The following CFAP221 variants were observed in gnomAD, a reference collection of about 807,000 sequenced individuals.
CFAP221 encodes cilia and flagella associated protein 221.
A neutral mutation model predicts 113.1 loss-of-function variants in CFAP221; 97 were observed. That is an observed-to-expected ratio of 0.86 (90% CI 0.73 to 1.02). The LOEUF (loss-of-function observed/expected upper bound fraction) is 1.02, where lower values mean the gene tolerates loss of function less well. CFAP221 is among the 50% of genes least tolerant of loss of function. The probability of loss-of-function intolerance (pLI) is 0.00; values close to 1 mark genes in which losing one functional copy is unlikely to be tolerated. For missense variants in CFAP221, 1,025 were observed against 1,013.4 expected (o/e 1.01, Z -0.16); for synonymous variants, 331 against 354.4 (o/e 0.93, Z 0.74).
intron 6 of CFAP221, among the ~76,000 whole-genome samples, chr2:119,566,710 C>G (rs995592877): frequency 4.6e-5 from 7 of 152,230 alleles, no homozygotes; most frequent in African/African-American, 1.7e-4. Context: ...TGAGCCCTAC[C>G]TCACTGGTCT....
chr2:119,587,124 C>T lies in CFAP221; in HGVS notation c.533C>T (p.Thr178Ile), dbSNP rs988262604. Residue 178 changes from threonine to isoleucine, a missense_variant, in exon 7 of 24, where the codon ACT becomes ATT. By Grantham distance (89) the Thr-to-Ile change is moderately conservative. Transcript: ENST00000413369. ...CTTTTTTGTTTGTTTTGCAGCAAAA[C>T]TTATGTTATTCCTTTGCAGTGCAGC... Reference protein sequence around the residue: ...LSNVLLGESKTYVIPLQCSCP... With the variant: ...LSNVLLGESKIYVIPLQCSCP... 1.5e-5 allele frequency: 22 copies of T among 1,501,488 alleles called. No homozygotes were observed. The East Asian group carries it at 5.0e-4, about 34-fold the overall frequency. 93.0% of individuals were successfully genotyped at this position (1,501,488 alleles called of 1,614,324 possible).
chr2:119,575,217 T>C (rs1420128687), intron 6 of CFAP221, among the ~76,000 whole-genome samples: 1 of 152,154 alleles, frequency 6.6e-6, no homozygotes, highest in Non-Finnish European at 1.5e-5. Flanking sequence ...AAAAAAGAAA[T>C]TAGTCTGCAG....
At chr2:119,560,068 TGGTG>T in intron 5 of CFAP221, 42 bp downstream of exon 5, 1 of 1,200,564 alleles carries the variant, frequency 8.3e-7, no homozygotes, top group Non-Finnish European at 1.1e-6. Context: ...TTTTTTTTGA[TGGTG>T]GGTTAAAACT....
intron 20 of CFAP221, among the ~76,000 whole-genome samples, chr2:119,638,859 A>G (rs2104786339): frequency 6.6e-6 from 1 of 152,086 alleles, no homozygotes; most frequent in Middle Eastern, 3.4e-3. Context: ...TGACCTGAAT[A>G]TCCCCTGACA....
intron 6 of CFAP221, among the ~76,000 whole-genome samples, chr2:119,568,985 C>T (rs750103512): frequency 7.2e-5 from 11 of 152,064 alleles, no homozygotes; most frequent in East Asian, 1.9e-4. Flanking sequence ...AATTCTGAGT[C>T]GGTGGTTTTT....
intron 19 of CFAP221, among the ~76,000 whole-genome samples, chr2:119,633,783 A>G (rs1686941646): frequency 6.6e-6 from 1 of 152,194 alleles, no homozygotes; most frequent in South Asian, 2.1e-4. Context: ...ATTACCTAAC[A>G]TCTGTTAAGA....
chr2:119,573,894 T>C (rs1284265504), intron 6 of CFAP221, among the ~76,000 whole-genome samples: 3 of 152,336 alleles, frequency 2.0e-5, no homozygotes, highest in African/African-American at 4.8e-5. Context: ...GGATCTGTAA[T>C]GCAATAATAA....
chr2:119,599,743 T>G (rs570680618), intron 7 of CFAP221, among the ~76,000 whole-genome samples: 2 of 152,318 alleles, frequency 1.3e-5, no homozygotes, highest in African/African-American at 4.8e-5. Flanking sequence ...ATTCATGTCT[T>G]GACTTTGTAT....
intron 3 of CFAP221, among the ~76,000 whole-genome samples, chr2:119,559,221 G>C (rs1381629650): frequency 1.3e-5 from 2 of 152,182 alleles, no homozygotes; most frequent in African/African-American, 4.8e-5. Flanking sequence ...GTGGATTGGA[G>C]GCTGTCTTAG....
chr2:119,571,766 A>G (rs1682076383), intron 6 of CFAP221, among the ~76,000 whole-genome samples: 1 of 152,202 alleles, frequency 6.6e-6, no homozygotes, highest in Non-Finnish European at 1.5e-5. Context: ...CCTAACAACT[A>G]CTTCACAGCT....
intron 21 of CFAP221, among the ~76,000 whole-genome samples, chr2:119,640,541 CT>C (rs1687422222): frequency 6.6e-6 from 1 of 152,184 alleles, no homozygotes; most frequent in Admixed American, 6.5e-5. Context: ...CTCCTGAGCC[CT>C]TGAATTCGCT....
chr2:119,608,572 G>T lies in CFAP221; in HGVS notation c.1204G>T (p.Ala402Ser). 1 of 1,612,134 alleles carries T rather than the reference G, an allele frequency of 6.2e-7. No individual in the cohort carries two copies. Among genetic ancestry groups the T allele is most frequent in the African/African-American group, 1.3e-5 (1 of 74,834 alleles). The change falls in exon 12 of 24, where the codon GCA becomes TCA. Residue 402 changes from alanine (A) to serine (S), a missense_variant. Ala to Ser is a moderately conservative substitution (Grantham distance 99, BLOSUM62 1). Coordinates refer to ENST00000413369, the MANE Select transcript of CFAP221 (RefSeq NM_001271049.2). ...AGAGCTTACTGAAGAGTGGCAAAAAGCATGTGCCAAATATAAGGTCAGAGT... is the reference window on the plus strand; with the variant it reads ...AGAGCTTACTGAAGAGTGGCAAAAATCATGTGCCAAATATAAGGTCAGAGT... ...KKELTEEWQK[A>S]CAKYKLDRGD...
chr2:119,606,959 A>G (rs1332351973), intron 11 of CFAP221, among the ~76,000 whole-genome samples: 2 of 152,144 alleles, frequency 1.3e-5, no homozygotes, highest in Non-Finnish European at 2.9e-5. Context: ...TAAATTGCAA[A>G]TATCAGGAAG....
chr2:119,567,477 T>G (rs776378184), intron 6 of CFAP221, among the ~76,000 whole-genome samples: 10 of 152,232 alleles, frequency 6.6e-5, no homozygotes, highest in Non-Finnish European at 1.2e-4. Context: ...CTGTATAATA[T>G]TCCATAGTAT....
intron 6 of CFAP221, among the ~76,000 whole-genome samples, chr2:119,584,652 A>G (rs1683085433): frequency 6.6e-6 from 1 of 152,198 alleles, no homozygotes; most frequent in Non-Finnish European, 1.5e-5. Context: ...GAAATGGGCA[A>G]AGGATATGCA....
In CFAP221 at chr2:119,562,008, T is replaced by C; in HGVS notation, c.427-6T>C. The C allele has an allele frequency of 6.5e-7, 1 of 1,528,164 alleles. No individual in the cohort carries two copies. Among genetic ancestry groups the C allele is most frequent in the South Asian group, 1.2e-5 (1 of 83,242 alleles). 94.7% of individuals were successfully genotyped at this position (1,528,164 alleles called of 1,614,324 possible). On this transcript the variant is annotated splice_polypyrimidine_tract_variant and splice_region_variant and intron_variant, in intron 5 of 23. Transcript: ENST00000413369. Reference sequence around the variant, plus strand: ...GTTAAACTTGACTTTTTCTGGTTAATTTTAGGGAGATGACACTTTGCTTGT... The same window carrying C: ...GTTAAACTTGACTTTTTCTGGTTAACTTTAGGGAGATGACACTTTGCTTGT...
At chr2:119,642,721 G>T (rs920709112) in intron 21 of CFAP221, among the ~76,000 whole-genome samples, 1 of 151,828 alleles carries the variant, frequency 6.6e-6, no homozygotes, top group African/African-American at 2.4e-5. Flanking sequence ...TTTATTTATT[G>T]TAGAGATATG....
intron 13 of CFAP221, 81 bp from the exon 14 acceptor site, chr2:119,615,530 A>C (rs189606287): frequency 1.9e-6 from 2 of 1,031,416 alleles, no homozygotes; most frequent in Admixed American, 2.8e-5. Flanking sequence ...TTTGGGATCA[A>C]ACTCTAAAAT....
intron 6 of CFAP221, among the ~76,000 whole-genome samples, chr2:119,582,418 T>G (rs553915187): frequency 6.6e-6 from 1 of 151,996 alleles, no homozygotes; most frequent in Non-Finnish European, 1.5e-5. Context: ...ACTAGGTATG[T>G]TTAGACTTTG....
Sources: allele counts gnomAD v4.1 joint callset (sites outside exome capture counted in the v4.1 genomes callset), GRCh38; gene constraint gnomAD v4.1.1; transcripts MANE v1.5; gene names NCBI Gene and HGNC (gene_info 2026-07-23, HGNC 2026-07-21).